Variants in RAPGEF1 observed in about 807,000 individuals in gnomAD.
The protein encoded by RAPGEF1 is CRK SH3-binding GNRP.
In RAPGEF1, 33 loss-of-function variants were observed where a neutral mutation model predicts 143.3. That is an observed-to-expected ratio of 0.23 (90% CI 0.17 to 0.31). RAPGEF1 has a LOEUF of 0.31. Among genes scored for constraint, RAPGEF1 ranks in the 10% least tolerant of loss-of-function variants. The pLI is 1.00. For missense variants in RAPGEF1, 1,199 were observed against 1,645.4 expected (o/e 0.73, Z 4.69); for synonymous variants, 629 against 676.5 (o/e 0.93, Z 1.09).
At chr9:131,660,777 G>A (rs958362192) in intron 1 of RAPGEF1, among the ~76,000 whole-genome samples, 1 of 152,210 alleles carries the variant, frequency 6.6e-6, no homozygotes, top group Non-Finnish European at 1.5e-5. Flanking sequence ...GGGTGAGGAG[G>A]GATTCTGGGC....
In RAPGEF1 at chr9:131,586,346, C is replaced by T. The variant is rs1351599500; in HGVS notation, c.3233+1390G>A. Among the ~76,000 whole-genome samples the T allele has an allele frequency of 1.3e-4, 15 of 112,162 alleles. No homozygotes were observed. The East Asian group carries it at 3.0e-3, about 22-fold the overall frequency. 73.6% of individuals were successfully genotyped at this position (112,162 alleles called of 152,430 possible). On this transcript the variant is annotated intron_variant, in intron 22 of 26. Transcript: ENST00000683357. ...CACACACACCTGCAGAGCAAGACTC[C>T]GTCTCAAACACACACACACACACAC... is the stretch of plus-strand genomic sequence containing the variant.
intron 3 of RAPGEF1, among the ~76,000 whole-genome samples, chr9:131,649,200 A>ATTTTTTTTTTTTTTTTTTT (rs55813422): frequency 3.4e-5 from 3 of 87,236 alleles, no homozygotes; most frequent in African/African-American, 4.6e-5. Flanking sequence ...GCCTGGCTAA[A>ATTTTTTTTTTTTTTTTTTT]TTTTTTTTTT....
At chr9:131,632,407 G>A (rs973573201) in intron 5 of RAPGEF1, among the ~76,000 whole-genome samples, 1 of 151,652 alleles carries the variant, frequency 6.6e-6, no homozygotes, top group African/African-American at 2.4e-5. Flanking sequence ...GATTACAGGC[G>A]TGAGCCACCG....
At chr9:131,727,501 A>G (rs190152717) in intron 1 of RAPGEF1, among the ~76,000 whole-genome samples, 4 of 152,266 alleles carry the variant, frequency 2.6e-5, no homozygotes, top group South Asian at 2.1e-4. Flanking sequence ...CCCAGAGGAC[A>G]TGGTGTGTCT....
At chr9:131,648,458 G>A (rs1357415768) in intron 3 of RAPGEF1, among the ~76,000 whole-genome samples, 1 of 152,140 alleles carries the variant, frequency 6.6e-6, no homozygotes, top group Non-Finnish European at 1.5e-5. Context: ...GGAATTGAGT[G>A]GCCGAACAGT....
rs1957021944 is a variant in RAPGEF1 at position 131,605,753 on chromosome 9, TTC to T, written c.2062-567_2062-566del. Among the ~76,000 whole-genome samples, 12 of 126,422 alleles carry T rather than the reference TTC, an allele frequency of 9.5e-5. 1 individual carries two copies. In the South Asian group the frequency reaches 3.1e-3, roughly 32 times the overall value. 82.9% of individuals were successfully genotyped at this position (126,422 alleles called of 152,430 possible). A position where few individuals can be genotyped will look rare whatever the true frequency, so the allele number is the denominator to read the frequency against. ...TTCTCTTCCTACCCCATTTTTTTCT[TTC>T]TTTCTTTCTTTTTTTTTTTTTTTAA... On this transcript the variant is annotated intron_variant, in intron 12 of 26. Coordinates refer to ENST00000683357, the MANE Select transcript of RAPGEF1 (RefSeq NM_001377935.1).
intron 1 of RAPGEF1, among the ~76,000 whole-genome samples, chr9:131,715,943 C>T (rs1835834878): frequency 6.6e-6 from 1 of 151,836 alleles, no homozygotes; most frequent in South Asian, 2.1e-4. Flanking sequence ...AACTGAGGTC[C>T]AGAGAAAAAA....
At chr9:131,719,488 T>G (rs2131268757) in intron 1 of RAPGEF1, among the ~76,000 whole-genome samples, 1 of 151,704 alleles carries the variant, frequency 6.6e-6, no homozygotes, top group East Asian at 1.9e-4. Context: ...TTTGTTTCAA[T>G]ACTGGGCAGC....
intron 1 of RAPGEF1, among the ~76,000 whole-genome samples, chr9:131,665,167 A>T (rs920763932): frequency 3.9e-5 from 6 of 152,244 alleles, no homozygotes; most frequent in Non-Finnish European, 7.3e-5. Context: ...ATTACACAAC[A>T]CAAGCTCTTG....
At chr9:131,607,588 G>T (rs1234553343) in intron 12 of RAPGEF1, among the ~76,000 whole-genome samples, 2 of 152,098 alleles carry the variant, frequency 1.3e-5, no homozygotes, top group African/African-American at 4.8e-5. Flanking sequence ...TGCTGGGGGG[G>T]CTGCCTTCAG....
intron 1 of RAPGEF1, chr9:131,737,575 G>A (rs944265193): frequency 1.9e-6 from 3 of 1,553,074 alleles, no homozygotes; most frequent in African/African-American, 2.7e-5. Flanking sequence ...ACTGGCCTCA[G>A]GTCTTTCTCC....
At chr9:131,678,600 T>C (rs1362393721) in intron 1 of RAPGEF1, among the ~76,000 whole-genome samples, 2 of 152,210 alleles carry the variant, frequency 1.3e-5, no homozygotes, top group Non-Finnish European at 2.9e-5. Context: ...CCATCTATTT[T>C]TGGCAGAAGT....
intron 1 of RAPGEF1, among the ~76,000 whole-genome samples, chr9:131,715,809 G>A (rs989672031): frequency 9.4e-5 from 14 of 148,540 alleles, no homozygotes; most frequent in Non-Finnish European, 1.6e-4. Flanking sequence ...AGGTTGCAGT[G>A]AGTGGAGATT....
chr9:131,659,561 C>A (rs955855824), intron 1 of RAPGEF1, among the ~76,000 whole-genome samples: 1 of 152,112 alleles, frequency 6.6e-6, no homozygotes, highest in Admixed American at 6.5e-5. Flanking sequence ...CTAACCTGGG[C>A]AAACTTTTTA....
intron 1 of RAPGEF1, among the ~76,000 whole-genome samples, chr9:131,716,090 C>G (rs1382204019): frequency 6.6e-6 from 1 of 152,162 alleles, no homozygotes; most frequent in Non-Finnish European, 1.5e-5. Flanking sequence ...CTGGCCACTG[C>G]TGCTGGATCC....
In RAPGEF1 at chr9:131,628,505, A is replaced by G. The variant is rs376234391; in HGVS notation, c.1017+44T>C. The G allele has an allele frequency of 1.2e-5, 19 of 1,597,182 alleles. No homozygotes were observed. The East Asian group carries it at 1.6e-4, about 13-fold the overall frequency. The stretch of plus-strand genomic sequence containing the variant: ...CAGGAGCCACATCCCTGAGCCCCCC[A>G]CCCCCTCCCTGCCTTCCCATGCAGG... On this transcript the variant is annotated intron_variant, in intron 8 of 26. Coordinates refer to ENST00000683357, the MANE Select transcript of RAPGEF1 (RefSeq NM_001377935.1). This position sits in a 1 kb window ranked among gnomAD's most constrained non-coding sequence, Gnocchi z 5.7.
At chr9:131,595,462 G>A (rs1416549222) in intron 17 of RAPGEF1, among the ~76,000 whole-genome samples, 6 of 152,240 alleles carry the variant, frequency 3.9e-5, no homozygotes. Context: ...GAAATGAAAC[G>A]GGTTGGGCTA....
intron 4 of RAPGEF1, among the ~76,000 whole-genome samples, chr9:131,639,225 G>A (rs895444942): frequency 1.1e-4 from 17 of 151,918 alleles, no homozygotes; most frequent in Admixed American, 9.2e-4. Context: ...ACAAGGAGCC[G>A]ACAGGTTTGC....
chr9:131,648,526 G>T (rs1160685560), intron 3 of RAPGEF1, among the ~76,000 whole-genome samples: 1 of 152,226 alleles, frequency 6.6e-6, no homozygotes, highest in Non-Finnish European at 1.5e-5. Context: ...ATTTTACTCT[G>T]ACTGCCTGGA....
Sources: gnomAD v4.1 joint callset for allele counts (sites outside exome capture counted in the v4.1 genomes callset) on GRCh38, gnomAD v4.1.1 for gene constraint, Gnocchi (gnomAD v3.1) non-coding constraint, MANE v1.5 for transcripts, NCBI Gene and HGNC (gene_info 2026-07-23, HGNC 2026-07-21) for gene names.